Variants in FAF1 observed in about 807,000 individuals in gnomAD.
FAF1 encodes the protein Fas associated factor 1.
Under a neutral mutation model 92.5 loss-of-function variants are expected in FAF1, and 25 were observed. That is an observed-to-expected ratio of 0.27 (90% CI 0.20 to 0.38). The LOEUF is 0.38. Ranked by LOEUF, FAF1 falls within the 10% of genes least tolerant of loss-of-function variation. FAF1 has a pLI of 1.00. For synonymous variants in FAF1, 234 were observed against 273.2 expected, an observed-to-expected ratio of 0.86 and a Z score of 1.42; for missense variants, 636 against 793.3, an observed-to-expected ratio of 0.80 and a Z score of 2.38.
intron 1 of FAF1, among the ~76,000 whole-genome samples, chr1:50,911,974 T>C (rs1644889261): frequency 1.3e-5 from 2 of 149,706 alleles, no homozygotes; most frequent in Non-Finnish European, 3.0e-5. Context: ...GAGGTCAAGG[T>C]TACAGTGAGC....
chr1:50,708,014 T>C (rs1657761058), intron 6 of FAF1, among the ~76,000 whole-genome samples: 1 of 152,236 alleles, frequency 6.6e-6, no homozygotes, highest in Non-Finnish European at 1.5e-5. Context: ...TTCACTATGT[T>C]GGTCACACTG....
At chr1:50,611,017 A>G (rs564666249) in intron 8 of FAF1, among the ~76,000 whole-genome samples, 1 of 152,250 alleles carries the variant, frequency 6.6e-6, no homozygotes, top group Non-Finnish European at 1.5e-5. Flanking sequence ...GGAATGCTAT[A>G]CAAGTGAACA....
At chr1:50,529,577 A>G (rs1221873084) in intron 15 of FAF1, among the ~76,000 whole-genome samples, 1 of 152,218 alleles carries the variant, frequency 6.6e-6, no homozygotes, top group Non-Finnish European at 1.5e-5. Context: ...TAGTTCAGGA[A>G]TCACACTGAG....
At chr1:50,948,323 T>A (rs1645186569) in intron 1 of FAF1, among the ~76,000 whole-genome samples, 1 of 152,200 alleles carries the variant, frequency 6.6e-6, no homozygotes, top group Non-Finnish European at 1.5e-5. Flanking sequence ...AAGAGGTTTG[T>A]TGGCTCATGG....
At chr1:50,811,721 T>C (rs1413449142) in intron 2 of FAF1, among the ~76,000 whole-genome samples, 1 of 152,136 alleles carries the variant, frequency 6.6e-6, no homozygotes, top group African/African-American at 2.4e-5. Flanking sequence ...TTAAAATTCA[T>C]ATGGAACCAA....
intron 2 of FAF1, among the ~76,000 whole-genome samples, chr1:50,805,795 A>G (rs546182628): frequency 6.6e-6 from 1 of 152,338 alleles, no homozygotes; most frequent in South Asian, 2.1e-4. Context: ...CAGCATCCAA[A>G]AGCCTCAAAA....
intron 4 of FAF1, among the ~76,000 whole-genome samples, chr1:50,770,839 C>A (rs1057287962): frequency 2.6e-5 from 4 of 152,148 alleles, no homozygotes; most frequent in African/African-American, 4.8e-5. Flanking sequence ...CTGGAGGCAC[C>A]ACATTACCCA....
chr1:50,679,755 T>C lies in FAF1; in HGVS notation c.658-24227A>G, dbSNP rs529239370. On this transcript the variant is annotated intron_variant, in intron 7 of 18. Transcript: ENST00000396153. ...AAAATGAAAATATTGGTAACTGCTA[T>C]TTATTTCCACAGGTAGTTGCATGTC... Among the ~76,000 whole-genome samples, 13 of 152,362 alleles carry C rather than the reference T, an allele frequency of 8.5e-5. No individual in the cohort carries two copies. In the South Asian group the frequency reaches 2.7e-3, roughly 32 times the overall value.
intron 2 of FAF1, among the ~76,000 whole-genome samples, chr1:50,823,016 T>C (rs748406839): frequency 6.6e-5 from 10 of 152,106 alleles, no homozygotes; most frequent in Middle Eastern, 3.2e-3. Context: ...TCAGGTGATC[T>C]GCCCGCCTCG....
chr1:50,872,465 C>T (rs1644536486), intron 1 of FAF1, among the ~76,000 whole-genome samples: 1 of 152,178 alleles, frequency 6.6e-6, no homozygotes, highest in African/African-American at 2.4e-5. Context: ...TGAAAATCTA[C>T]TCCTGATGTA....
chr1:50,797,105 CA>C (rs1661781712), intron 3 of FAF1, among the ~76,000 whole-genome samples: 1 of 152,050 alleles, frequency 6.6e-6, no homozygotes, highest in African/African-American at 2.4e-5. Context: ...CACTGCACTT[CA>C]GCCTGGGTGA....
chr1:50,835,377 A>C (rs1644190869), intron 2 of FAF1, among the ~76,000 whole-genome samples: 1 of 152,172 alleles, frequency 6.6e-6, no homozygotes, highest in African/African-American at 2.4e-5. Flanking sequence ...CATTGTAAAG[A>C]ATGCAGACTT....
intron 1 of FAF1, among the ~76,000 whole-genome samples, chr1:50,867,709 A>G (rs2124676871): frequency 6.6e-6 from 1 of 152,254 alleles, no homozygotes; most frequent in South Asian, 2.1e-4. Flanking sequence ...TGGTGAAAAT[A>G]GAACACTTTT....
chr1:50,769,826 G>A (rs1283906703), intron 4 of FAF1, among the ~76,000 whole-genome samples: 1 of 152,170 alleles, frequency 6.6e-6, no homozygotes, highest in African/African-American at 2.4e-5. Context: ...CAAGGCAGGT[G>A]GATCACTTGG....
chr1:50,752,790 C>T (rs1659919547), intron 4 of FAF1, among the ~76,000 whole-genome samples: 2 of 152,232 alleles, frequency 1.3e-5, no homozygotes, highest in South Asian at 4.2e-4. Flanking sequence ...TCAAGTGATT[C>T]TCCCGCCTCA....
chr1:50,847,094 A>C (rs1644308024), intron 2 of FAF1, among the ~76,000 whole-genome samples: 1 of 152,184 alleles, frequency 6.6e-6, no homozygotes, highest in Non-Finnish European at 1.5e-5. Flanking sequence ...TTTGTCAGTG[A>C]GGACTTTTCC....
intron 1 of FAF1, among the ~76,000 whole-genome samples, chr1:50,928,225 A>G (rs767162516): frequency 3.3e-5 from 5 of 152,206 alleles, no homozygotes; most frequent in African/African-American, 4.8e-5. Flanking sequence ...TGAAATGGCA[A>G]AAATATTGGT....
intron 12 of FAF1, among the ~76,000 whole-genome samples, chr1:50,580,458 T>C (rs1270907329): frequency 1.3e-5 from 2 of 151,912 alleles, no homozygotes; most frequent in East Asian, 1.9e-4. Flanking sequence ...GATAAAAATA[T>C]GGCAAAATTT....
chr1:50,598,448 C>T (rs1219951647), intron 8 of FAF1, among the ~76,000 whole-genome samples: 1 of 100,314 alleles, frequency 1.0e-5, no homozygotes, highest in Non-Finnish European at 1.9e-5. Context: ...GGTGATAAAG[C>T]AAGAACCTGT....
Sources: gnomAD v4.1 joint callset for allele counts (sites outside exome capture counted in the v4.1 genomes callset) on GRCh38, gnomAD v4.1.1 for gene constraint, MANE v1.5 for transcripts, NCBI Gene and HGNC (gene_info 2026-07-23, HGNC 2026-07-21) for gene names.